SFI1: variants seen among roughly 807,000 people sequenced by gnomAD.
SFI1 encodes the protein SFI1 centrin binding protein.
In SFI1, 195 loss-of-function variants were observed where a neutral mutation model predicts 207.5. That is an observed-to-expected ratio of 0.94 (90% confidence interval 0.84 to 1.06). The LOEUF (loss-of-function observed/expected upper bound fraction) is 1.06, where lower values mean the gene tolerates loss of function less well. Among genes scored for constraint, SFI1 ranks in the 50% least tolerant of loss-of-function variants. The probability of loss-of-function intolerance (pLI) is 0.00; values close to 1 mark genes in which losing one functional copy is unlikely to be tolerated. For missense variants in SFI1, 1,634 were observed against 1,588.0 expected (o/e 1.03, Z -0.49); for synonymous variants, 630 against 598.9 (o/e 1.05, Z -0.76).
intron 12 of SFI1, among the ~76,000 whole-genome samples, chr22:31,582,973 G>C (rs2064534297): frequency 6.6e-6 from 1 of 152,128 alleles, no homozygotes; most frequent in African/African-American, 2.4e-5. Flanking sequence ...ATCCAGGCTA[G>C]AGTGCAATGG....
At chr22:31,570,852 A>G (rs1046212105) in intron 8 of SFI1, among the ~76,000 whole-genome samples, 22 of 152,192 alleles carry the variant, frequency 1.4e-4, no homozygotes, top group African/African-American at 5.1e-4. Flanking sequence ...AGCAACAGGA[A>G]CAAAGCAGGG....
At chr22:31,524,715 T>G (rs1602123406) in intron 2 of SFI1, among the ~76,000 whole-genome samples, 1 of 136,212 alleles carries the variant, frequency 7.3e-6, no homozygotes, top group Admixed American at 7.5e-5. Flanking sequence ...TTTTTTTTTT[T>G]GCTGTTGAGA....
At chr22:31,567,550 G>GTGTC (rs1034254706) in intron 8 of SFI1, among the ~76,000 whole-genome samples, 1 of 150,904 alleles carries the variant, frequency 6.6e-6, no homozygotes, top group Non-Finnish European at 1.5e-5. Context: ...ATATGAATGT[G>GTGTC]TGTCTGTGTG....
At chr22:31,536,844 GA>G (rs2059036015) in intron 4 of SFI1, among the ~76,000 whole-genome samples, 4 of 152,024 alleles carry the variant, frequency 2.6e-5, no homozygotes. Flanking sequence ...TTGACTCTAA[GA>G]GAAAGCCTAA....
intron 15 of SFI1, among the ~76,000 whole-genome samples, chr22:31,599,624 C>A (rs1216042830): frequency 1.3e-5 from 2 of 152,142 alleles, no homozygotes; most frequent in African/African-American, 2.4e-5. Flanking sequence ...GCCACCGTGC[C>A]TAGCCCAGAC....
chr22:31,541,379 A>G (rs2059472019), intron 4 of SFI1, among the ~76,000 whole-genome samples: 1 of 152,032 alleles, frequency 6.6e-6, no homozygotes, highest in Non-Finnish European at 1.5e-5. Context: ...ATTTGCTGTT[A>G]TTTAATGCGG....
intron 4 of SFI1, among the ~76,000 whole-genome samples, chr22:31,535,443 C>T (rs1340171150): frequency 6.6e-6 from 1 of 152,050 alleles, no homozygotes; most frequent in African/African-American, 2.4e-5. Context: ...CCGCCCTCAA[C>T]CTCCCAAAGT....
intron 12 of SFI1, among the ~76,000 whole-genome samples, chr22:31,583,108 GTTGT>G (rs566148743): frequency 3.0e-4 from 45 of 151,306 alleles, no homozygotes; most frequent in East Asian, 9.7e-4. Context: ...TTTTTTTGTT[GTTGT>G]TTGTTTGTTT....
Position 31,602,254 on chromosome 22 carries a change from G to T in SFI1, c.1587G>T (p.Lys529Asn), listed in dbSNP as rs1286637098. The part of the protein sequence containing the change: ...EKQVFSLWRQ[K>N]MFQHRENRLA... ...AAGTATTTTCTCTCTGGAGGCAGAA[G>T]ATGTTTCAGCATCGAGAAAACCGCC... Residue 529 changes from lysine to asparagine, a missense_variant, in exon 16 of 33, where the codon AAG (lysine) becomes AAT (asparagine). Coordinates refer to ENST00000400288, the MANE Select transcript of SFI1 (RefSeq NM_001007467.3). 2 of 1,614,046 alleles carry T rather than the reference G, an allele frequency of 1.2e-6. No individual in the cohort carries two copies. Among genetic ancestry groups the T allele is most frequent in the Non-Finnish European group, 8.5e-7 (1 of 1,180,022 alleles).
intron 2 of SFI1, among the ~76,000 whole-genome samples, chr22:31,514,492 A>G (rs2056173221): frequency 8.0e-6 from 1 of 124,252 alleles, no homozygotes; most frequent in Admixed American, 9.5e-5. Context: ...TGGGCGACAG[A>G]GTGAGACTCT....
At chr22:31,613,098 C>T in intron 24 of SFI1, 44 bp from the exon 25 acceptor site, 1 of 1,600,378 alleles carries the variant, frequency 6.2e-7, no homozygotes, top group Non-Finnish European at 8.5e-7. Flanking sequence ...CCACGGCCTC[C>T]TTGAAGGGGC....
At position 31,550,252 on chromosome 22, in the gene SFI1, A is replaced by G. The variant is rs752858355; in HGVS notation, c.450-2A>G. On this transcript the variant is annotated splice_acceptor_variant, in intron 5 of 32. Transcript: ENST00000400288. LOFTEE classifies it high-confidence loss of function. ...TGCCATTTACTTTTTTTGGCTCCTC[A>G]GGTATTACCTGTACAACCTGATGTT... The G allele has an allele frequency of 3.1e-6, 5 of 1,611,550 alleles. No individual in the cohort carries two copies. The highest frequency in any genetic ancestry group is 4.2e-6 in the Non-Finnish European group (5 of 1,178,914).
chr22:31,528,788 G>C lies in SFI1; in HGVS notation c.191G>C (p.Ser64Thr). ...TTTGGGATCCGGAGGGAGTTACCTA[G>C]TACCAGTCATCTAGTGCAGTATCGT... ...ASFGIRRELP[S>T]TSHLVQYRGT... Residue 64 changes from serine to threonine, a missense_variant, in exon 3 of 33, where the codon AGT (serine) becomes ACT (threonine). By Grantham distance (58) the Ser-to-Thr change is moderately conservative. Transcript: ENST00000400288. 1 of 1,614,154 alleles carries C rather than the reference G, an allele frequency of 6.2e-7. No individual in the cohort carries two copies. The highest frequency in any genetic ancestry group is 2.2e-5 in the East Asian group (1 of 44,882).
At chr22:31,614,650 AC>A in intron 27 of SFI1, 138 bp from the exon 28 acceptor site, 1 of 937,244 alleles carries the variant, frequency 1.1e-6, no homozygotes. Context: ...GCCCAGGCCC[AC>A]CCCAGCTTAC....
At chr22:31,600,753 C>T (rs1307909255) in intron 15 of SFI1, among the ~76,000 whole-genome samples, 1 of 152,242 alleles carries the variant, frequency 6.6e-6, no homozygotes, top group Admixed American at 6.5e-5. Flanking sequence ...GGCCTAGGGG[C>T]TCACCTCGCC....
chr22:31,528,146 A>G (rs550287781), intron 2 of SFI1, among the ~76,000 whole-genome samples: 2 of 151,516 alleles, frequency 1.3e-5, no homozygotes, highest in Admixed American at 1.3e-4. Flanking sequence ...TTAGCTGGTC[A>G]TGGTGGTGCA....
In SFI1 at chr22:31,545,574, A is replaced by AATTTTATTTTATTTT. The variant is rs796805483; in HGVS notation, c.339-1283_339-1282insTATTTTATTTTATTT. Among the ~76,000 whole-genome samples the AATTTTATTTTATTTT allele has an allele frequency of 1.9e-3, 244 of 131,026 alleles. 1 individual carries two copies. Among genetic ancestry groups the AATTTTATTTTATTTT allele is most frequent in the African/African-American group, 8.9e-3 (237 of 26,538 alleles). 86.0% of individuals were successfully genotyped at this position (131,026 alleles called of 152,430 possible). Reference sequence around the variant, plus strand: ...AATTTAATTTAATTTAATTTAATTTAATTTAATTTAATTTTATTTTATTTT... The same window carrying AATTTTATTTTATTTT: ...AATTTAATTTAATTTAATTTAATTTAATTTTATTTTATTTTATTTAATTTAATTTTATTTTATTTT... On this transcript the variant is annotated intron_variant, in intron 4 of 32. Transcript: ENST00000400288.
At chr22:31,598,098 C>T (rs910498701) in intron 15 of SFI1, among the ~76,000 whole-genome samples, 5 of 151,688 alleles carry the variant, frequency 3.3e-5, no homozygotes, top group Admixed American at 1.3e-4. Context: ...CTGCCTCAGC[C>T]TCCTGAGTAG....
intron 4 of SFI1, among the ~76,000 whole-genome samples, chr22:31,542,444 A>G (rs1329660241): frequency 2.0e-5 from 3 of 151,660 alleles, no homozygotes; most frequent in Non-Finnish European, 4.4e-5. Context: ...CCTGGCCAAC[A>G]TGGTGAAACC....
Sources: allele counts gnomAD v4.1 joint callset (sites outside exome capture counted in the v4.1 genomes callset), GRCh38; gene constraint gnomAD v4.1.1; transcripts MANE v1.5; gene names NCBI Gene and HGNC (gene_info 2026-07-23, HGNC 2026-07-21).